Variants in KLHL7 observed in about 807,000 individuals in gnomAD.
KLHL7 encodes the protein kelch like family member 7.
Under a neutral mutation model 67.4 loss-of-function variants are expected in KLHL7, and 44 were observed. That is an observed-to-expected ratio of 0.65 (90% CI 0.51 to 0.84). The LOEUF (loss-of-function observed/expected upper bound fraction) is 0.84, where lower values mean the gene tolerates loss of function less well. KLHL7 is among the 40% of genes least tolerant of loss of function. KLHL7 has a pLI of 0.00. For synonymous variants in KLHL7, 252 were observed against 243.3 expected (o/e 1.04, Z -0.33); for missense variants, 362 against 718.1 (o/e 0.50, Z 5.67).
intron 7 of KLHL7, among the ~76,000 whole-genome samples, chr7:23,153,982 A>G (rs1784619993): frequency 6.6e-6 from 1 of 152,208 alleles, no homozygotes. Context: ...TTTGCATGCC[A>G]TTCATTCTCT....
At chr7:23,115,604 C>T (rs149731533) in intron 1 of KLHL7, among the ~76,000 whole-genome samples, 3 of 151,682 alleles carry the variant, frequency 2.0e-5, no homozygotes, top group South Asian at 2.1e-4. Flanking sequence ...AGTGCAGTGG[C>T]GTGATCTCGG....
rs188747777 is a variant in KLHL7, at chr7:23,171,942, C to T, written c.1380-1006C>T. Among the ~76,000 whole-genome samples, 352 of 152,364 alleles carry T rather than the reference C, an allele frequency of 2.3e-3. 2 individuals are homozygous for T. The highest frequency in any genetic ancestry group is 3.5e-3 in the Non-Finnish European group (241 of 68,036). On this transcript the variant is annotated intron_variant, in intron 9 of 10. Coordinates refer to ENST00000339077, the MANE Select transcript of KLHL7 (RefSeq NM_001031710.3). ...GCCAGGATGGTCTCGATCGCCTGAC[C>T]TCATGATCCGCCTGCCTCGGCCTCC...
chr7:23,120,673 C>T (rs1046715065), intron 1 of KLHL7, among the ~76,000 whole-genome samples: 3 of 152,094 alleles, frequency 2.0e-5, no homozygotes, highest in African/African-American at 7.2e-5. Flanking sequence ...CTCAAGTGAT[C>T]CTCCCATTTC....
chr7:23,150,527 A>G (rs916906249), intron 6 of KLHL7, among the ~76,000 whole-genome samples: 6 of 152,112 alleles, frequency 3.9e-5, no homozygotes, highest in East Asian at 1.9e-4. Flanking sequence ...GTACATACTA[A>G]TCTTTCTCAT....
chr7:23,175,265 C>G lies in KLHL7; in HGVS notation c.*967C>G, dbSNP rs1785271190. 2.2e-6 allele frequency: 1 copy of G among 453,968 alleles called. No homozygotes were observed. Among genetic ancestry groups the G allele is most frequent in the Non-Finnish European group, 4.4e-6 (1 of 226,746 alleles). 28.1% of individuals were successfully genotyped at this position (453,968 alleles called of 1,614,324 possible). A position where few individuals can be genotyped will look rare whatever the true frequency, so the allele number is the denominator to read the frequency against. On this transcript the variant is annotated 3_prime_UTR_variant, in exon 11 of 11. Transcript: ENST00000339077. Reference sequence around the variant, plus strand: ...AGTTAGATATATGTCATCTCCTATTCATTGCTTTTATGTGATCAATAAATC... The same window carrying G: ...AGTTAGATATATGTCATCTCCTATTGATTGCTTTTATGTGATCAATAAATC...
intron 7 of KLHL7, among the ~76,000 whole-genome samples, chr7:23,159,362 G>T (rs1332609727): frequency 1.3e-5 from 2 of 152,072 alleles, no homozygotes; most frequent in African/African-American, 2.4e-5. Flanking sequence ...GGAGACAAGG[G>T]TCTCACTATG....
chr7:23,106,379 C>T, intron 1 of KLHL7: 1 of 1,367,406 alleles, frequency 7.3e-7, no homozygotes, highest in South Asian at 1.5e-5. Context: ...AGTCAGACTC[C>T]TGGGGGACTC....
intron 1 of KLHL7, among the ~76,000 whole-genome samples, chr7:23,122,578 A>G (rs1252935273): frequency 6.6e-6 from 1 of 152,244 alleles, no homozygotes; most frequent in East Asian, 1.9e-4. Context: ...ATAAACCTGC[A>G]TATAAGTTTT....
At position 23,165,829 on chromosome 7, in the gene KLHL7, T is replaced by C. The variant is rs1181767782; in HGVS notation, c.1068T>C (p.Asn356=). ...CAATAAAGCGAATGGACTGCTATAA[T>C]GTAGTGAAGGATAGCTGGTATTCGA... is the stretch of plus-strand genomic sequence containing the variant. ...LFPIKRMDCY[N]VVKDSWYSKL... is the part of the protein sequence containing the mutation. Residue 356 remains asparagine (N), a synonymous_variant, in exon 8 of 11, where the codon AAT becomes AAC. Coordinates refer to ENST00000339077, the MANE Select transcript of KLHL7 (RefSeq NM_001031710.3). 3.7e-6 allele frequency: 6 copies of C among 1,614,180 alleles called. No individual in the cohort carries two copies. The highest frequency in any genetic ancestry group is 5.1e-6 in the Non-Finnish European group (6 of 1,180,016).
Position 23,105,788 on chromosome 7 carries a change from T to G in KLHL7, c.-239T>G. ...CGCAGGCTCCTGGGCAGGGCTCGGG[T>G]TCTGCCCGGGGACGCAGCCCAGTTG... On this transcript the variant is annotated 5_prime_UTR_variant, in exon 1 of 11. Transcript: ENST00000339077. 3.6e-6 allele frequency: 2 copies of G among 549,648 alleles called. No homozygotes were observed. The highest frequency in any genetic ancestry group is 1.9e-5 in the African/African-American group (1 of 52,706). 34.0% of individuals were successfully genotyped at this position (549,648 alleles called of 1,614,324 possible).
At chr7:23,126,811 G>A (rs1347974694) in intron 4 of KLHL7, among the ~76,000 whole-genome samples, 1 of 152,116 alleles carries the variant, frequency 6.6e-6, no homozygotes, top group East Asian at 1.9e-4. Context: ...TCCAGAAAAG[G>A]GATTGGACTA....
rs549460211 is a variant in KLHL7 at position 23,157,104 on chromosome 7, C to T, written c.936+4895C>T. 4.6e-5 allele frequency among the ~76,000 whole-genome samples: 7 copies of T among 152,130 alleles called. No homozygotes were observed. The South Asian group carries it at 1.2e-3, about 27-fold the overall frequency. ...GAAATCAGCAGTTATAAATTGTGTA[C>T]GATTTTAAAAGATCATGTGCATAAA... On this transcript the variant is annotated intron_variant, in intron 7 of 10. Coordinates refer to ENST00000339077, the MANE Select transcript of KLHL7 (RefSeq NM_001031710.3).
chr7:23,142,011 C>T (rs945989050), intron 5 of KLHL7, among the ~76,000 whole-genome samples: 2 of 152,190 alleles, frequency 1.3e-5, no homozygotes, highest in Admixed American at 6.5e-5. Flanking sequence ...CTCCACCTCC[C>T]GGGTTCAAGC....
intron 6 of KLHL7, among the ~76,000 whole-genome samples, chr7:23,149,808 T>C (rs1784475159): frequency 1.3e-5 from 2 of 152,248 alleles, no homozygotes; most frequent in South Asian, 4.1e-4. Context: ...TGCGTCAGCA[T>C]GCCTTGGCCT....
chr7:23,124,780 A>G lies in KLHL7; in HGVS notation c.316A>G (p.Arg106Gly). ...EQLVEFAYTA[R>G]ISVNSNNVQS... Reference sequence around the variant, plus strand: ...ACTGGTGGAATTTGCTTATACTGCTAGGTGAGTTAAGTATTATTTTTATTT... The same window carrying G: ...ACTGGTGGAATTTGCTTATACTGCTGGGTGAGTTAAGTATTATTTTTATTT... The change falls in exon 3 of 11, where the codon AGA becomes GGA. Residue 106 changes from arginine (R) to glycine (G), a missense_variant and splice_region_variant. By Grantham distance (125) the Arg-to-Gly change is moderately radical. Transcript: ENST00000339077. 6.4e-7 allele frequency: 1 copy of G among 1,561,366 alleles called. No homozygotes were observed.
At chr7:23,128,049 G>C (rs1783644645) in intron 4 of KLHL7, among the ~76,000 whole-genome samples, 1 of 151,446 alleles carries the variant, frequency 6.6e-6, no homozygotes, top group South Asian at 2.1e-4. Context: ...AAAATCGCTT[G>C]AACCGGGAGG....
At chr7:23,167,600 AC>A (rs2128469691) in intron 8 of KLHL7, among the ~76,000 whole-genome samples, 1 of 152,318 alleles carries the variant, frequency 6.6e-6, no homozygotes, top group South Asian at 2.1e-4. Flanking sequence ...AAGTTTAATT[AC>A]CAATAAATAA....
At chr7:23,133,459 C>G (rs1783870528) in intron 4 of KLHL7, among the ~76,000 whole-genome samples, 1 of 151,768 alleles carries the variant, frequency 6.6e-6, no homozygotes. Context: ...TGAGACAGAG[C>G]CTTGCTCTGT....
At chr7:23,161,407 C>T (rs1378645395) in intron 7 of KLHL7, among the ~76,000 whole-genome samples, 1 of 152,204 alleles carries the variant, frequency 6.6e-6, no homozygotes, top group Non-Finnish European at 1.5e-5. Context: ...TCATCAAACA[C>T]ATTTAGTTGA....
Sources: gnomAD v4.1 joint callset for allele counts (sites outside exome capture counted in the v4.1 genomes callset) on GRCh38, gnomAD v4.1.1 for gene constraint, MANE v1.5 for transcripts, NCBI Gene and HGNC (gene_info 2026-07-23, HGNC 2026-07-21) for gene names.